The following EED variants were observed in gnomAD, a reference collection of about 807,000 sequenced individuals.
The protein encoded by EED is polycomb protein EED.
A neutral mutation model predicts 61.0 loss-of-function variants in EED; 9 were observed. The ratio of observed to expected loss-of-function variants is 0.15; its 90% confidence interval spans 0.09 to 0.26. The LOEUF (loss-of-function observed/expected upper bound fraction) is 0.26. EED is among the 10% of genes least tolerant of loss of function. EED has a pLI of 1.00. For missense variants in EED, 315 were observed against 542.3 expected, an observed-to-expected ratio of 0.58 and a Z score of 4.16; for synonymous variants, 187 against 174.4, an observed-to-expected ratio of 1.07 and a Z score of -0.57.
rs141273516 is a variant in EED, at chr11:86,274,488, C to G, written c.967-2492C>G. Among the ~76,000 whole-genome samples, 242 of 152,304 alleles carry G rather than the reference C, an allele frequency of 1.6e-3. 2 individuals carry two copies. In the East Asian group the frequency reaches 0.036, roughly 23 times the overall value. On this transcript the variant is annotated intron_variant, in intron 9 of 11. Coordinates refer to ENST00000263360, the MANE Select transcript of EED (RefSeq NM_003797.5). ...TGGACCTTATTTAGATCTTCTCTTA[C>G]AGCAGGCTTTCTCTGATACCTTTTC...
chr11:86,244,998 G>A lies in EED; in HGVS notation c.-232G>A. On this transcript the variant is annotated 5_prime_UTR_variant, in exon 1 of 12. Transcript: ENST00000263360. Reference sequence around the variant, plus strand: ...CAAGACGGGAGTTGGGGAAGGGAAGGAGCCAGGAAGCCGCGCGGGAGGGCG... The same window carrying A: ...CAAGACGGGAGTTGGGGAAGGGAAGAAGCCAGGAAGCCGCGCGGGAGGGCG... The A allele has an allele frequency of 2.2e-6, 1 of 450,886 alleles. No individual in the cohort carries two copies. Among genetic ancestry groups the A allele is most frequent in the Non-Finnish European group, 3.9e-6 (1 of 253,698 alleles). 27.9% of individuals were successfully genotyped at this position (450,886 alleles called of 1,614,324 possible).
chr11:86,277,894 G>T (rs747000614), intron 10 of EED, 24 bp from the exon 11 acceptor site: 19 of 1,502,682 alleles, frequency 1.3e-5, no homozygotes, highest in Non-Finnish European at 1.5e-5. Flanking sequence ...TTAATTTGAT[G>T]TTTTTAAAAA....
At chr11:86,279,835 C>T (rs868365335), downstream of EED, among the ~76,000 whole-genome samples, 9 of 152,048 alleles carry the variant, frequency 5.9e-5, no homozygotes, top group Admixed American at 5.2e-4. Flanking sequence ...GTCCAATGAA[C>T]GCTTCAATTG....
chr11:86,278,129 T>C, intron 11 of EED, 138 bp downstream of exon 11: 1 of 1,355,478 alleles, frequency 7.4e-7, no homozygotes, highest in East Asian at 2.7e-5. Context: ...GTTAAAGTTA[T>C]TCTTTTTTAT....
intron 3 of EED, among the ~76,000 whole-genome samples, chr11:86,253,138 T>TA (rs1260050267): frequency 5.5e-4 from 83 of 152,232 alleles, no homozygotes; most frequent in Non-Finnish European, 1.3e-4. Context: ...ATTTTTAAGT[T>TA]ACCACTGAAG....
At chr11:86,278,124 A>C in intron 11 of EED, 133 bp downstream of exon 11, 1 of 1,366,406 alleles carries the variant, frequency 7.3e-7, no homozygotes, top group African/African-American at 1.5e-5. Flanking sequence ...TCAGAGTTAA[A>C]GTTATTCTTT....
intron 7 of EED, chr11:86,264,800 A>C (rs1279699288): frequency 6.6e-6 from 1 of 152,228 alleles, no homozygotes; most frequent in Non-Finnish European, 1.5e-5. Context: ...GGTCCATTAT[A>C]CAAGTGTTTT....
downstream of EED, among the ~76,000 whole-genome samples, chr11:86,283,570 G>A (rs1040753349): frequency 1.6e-4 from 25 of 152,184 alleles, no homozygotes; most frequent in African/African-American, 6.0e-4. Flanking sequence ...GAATTAAACA[G>A]TCATAAAAAT....
At chr11:86,252,905 T>C (rs1260855835) in intron 3 of EED, among the ~76,000 whole-genome samples, 3 of 152,060 alleles carry the variant, frequency 2.0e-5, no homozygotes, top group African/African-American at 7.2e-5. Flanking sequence ...AGGCATGCAC[T>C]ACCATCCCTG....
chr11:86,257,485 G>A (rs770460614), intron 5 of EED, 30 bp from the exon 6 acceptor site: 1 of 1,547,534 alleles, frequency 6.5e-7, no homozygotes, highest in Non-Finnish European at 8.7e-7. Flanking sequence ...TTTGAGATAG[G>A]AAACTTGAAA....
chr11:86,257,637 A>C (rs1945712410), intron 6 of EED, 41 bp downstream of exon 6: 1 of 1,543,304 alleles, frequency 6.5e-7, no homozygotes, highest in Non-Finnish European at 8.9e-7. Flanking sequence ...GCAATTTGTC[A>C]GAATTAAGAT....
intron 3 of EED, among the ~76,000 whole-genome samples, chr11:86,254,051 A>G (rs1281374537): frequency 7.8e-6 from 1 of 128,200 alleles, no homozygotes; most frequent in African/African-American, 3.6e-5. Flanking sequence ...TCTGTCTCAA[A>G]AAAAAAAAAA....
chr11:86,247,019 A>G (rs904619163), intron 1 of EED, among the ~76,000 whole-genome samples: 4 of 152,250 alleles, frequency 2.6e-5, no homozygotes, highest in Non-Finnish European at 5.9e-5. Context: ...ATGATTACAT[A>G]GAATAATGTT....
intron 1 of EED, among the ~76,000 whole-genome samples, chr11:86,248,001 A>G (rs10898453): frequency 0.095 from 14,467 of 152,288 alleles, 778 homozygotes; most frequent in East Asian, 0.21. Context: ...TAGTAAGATC[A>G]GAGGGCTGAA....
chr11:86,285,510 G>A, the EED span, among the ~76,000 whole-genome samples: 5 of 152,186 alleles, frequency 3.3e-5, no homozygotes, highest in Admixed American at 6.5e-5. Context: ...TCAACTGGTC[G>A]TGGTTTTAAA....
At chr11:86,283,538 G>A (rs1397446919), downstream of EED, among the ~76,000 whole-genome samples, 1 of 152,208 alleles carries the variant, frequency 6.6e-6, no homozygotes, top group African/African-American at 2.4e-5. Context: ...CTAGAGCAGT[G>A]CCTTTCATGT....
chr11:86,271,423 T>C (rs528079596), intron 9 of EED, among the ~76,000 whole-genome samples: 1 of 152,356 alleles, frequency 6.6e-6, no homozygotes, highest in South Asian at 2.1e-4. Context: ...TTTTGTGATT[T>C]TCTCTGTAGA....
chr11:86,277,825 T>C (rs759649732), intron 10 of EED, 93 bp from the exon 11 acceptor site: 195 of 1,288,584 alleles, frequency 1.5e-4, no homozygotes, highest in Middle Eastern at 5.1e-4. Flanking sequence ...ACTGAGCTTT[T>C]TCTGAAACAA....
intron 1 of EED, 62 bp from the exon 2 acceptor site, chr11:86,250,234 T>TATTGC (rs1945495730): frequency 1.1e-5 from 15 of 1,375,066 alleles, no homozygotes; most frequent in Middle Eastern, 3.8e-4. Context: ...CCCAGTAGAG[T>TATTGC]TATTTACTGC....
Sources: gnomAD v4.1 joint callset for allele counts (sites outside exome capture counted in the v4.1 genomes callset) on GRCh38, gnomAD v4.1.1 for gene constraint, MANE v1.5 for transcripts, NCBI Gene and HGNC (gene_info 2026-07-23, HGNC 2026-07-21) for gene names.